SVIL: variants seen among roughly 807,000 people sequenced by gnomAD.
The protein encoded by SVIL is supervillin.
A neutral mutation model predicts 240.4 loss-of-function variants in SVIL; 101 were observed. The observed-to-expected ratio is 0.42, with a 90% CI of 0.36 to 0.50. The LOEUF is 0.50. Ranked by LOEUF, SVIL falls within the 20% of genes least tolerant of loss-of-function variation. The pLI, the probability that SVIL is intolerant of heterozygous loss-of-function variation, is 0.01. For synonymous variants in SVIL, 999 were observed against 1,100.0 expected, an observed-to-expected ratio of 0.91 and a Z score of 1.82; for missense variants, 2,512 against 2,818.7, an observed-to-expected ratio of 0.89 and a Z score of 2.46.
At chr10:29,720,506 G>C (rs1963907087) in intron 1 of SVIL, among the ~76,000 whole-genome samples, 1 of 152,076 alleles carries the variant, frequency 6.6e-6, no homozygotes, top group Non-Finnish European at 1.5e-5. Context: ...ATCACCAGAA[G>C]TCCTACATAA....
chr10:29,724,369 A>AC (rs1964163628), intron 1 of SVIL, among the ~76,000 whole-genome samples: 1 of 93,830 alleles, frequency 1.1e-5, no homozygotes, highest in African/African-American at 4.7e-5. Context: ...TGAGGATTTA[A>AC]AACACACACA....
At chr10:29,540,195 G>T (rs575219571) in intron 6 of SVIL, among the ~76,000 whole-genome samples, 1 of 152,078 alleles carries the variant, frequency 6.6e-6, no homozygotes, top group Non-Finnish European at 1.5e-5. Flanking sequence ...ATCAAGTAGG[G>T]CAAACCCCAA....
chr10:29,478,234 C>G (rs966065313), intron 29 of SVIL, among the ~76,000 whole-genome samples: 2 of 152,328 alleles, frequency 1.3e-5, no homozygotes, highest in South Asian at 2.1e-4. Flanking sequence ...TGCACAAAAG[C>G]AAAAGCGTAA....
intron 1 of SVIL, among the ~76,000 whole-genome samples, chr10:29,727,221 C>T (rs1424667375): frequency 1.3e-5 from 2 of 152,126 alleles, no homozygotes; most frequent in East Asian, 1.9e-4. Flanking sequence ...ATGGTTACAT[C>T]AAGATTCTAT....
At chr10:29,715,555 T>C (rs1167231249) in intron 1 of SVIL, among the ~76,000 whole-genome samples, 2 of 152,218 alleles carry the variant, frequency 1.3e-5, no homozygotes, top group Non-Finnish European at 2.9e-5. Context: ...ACCTATAAAC[T>C]CTGCCTTGGC....
At chr10:29,461,637 T>TA (rs1481214170) in intron 36 of SVIL, among the ~76,000 whole-genome samples, 1 of 152,146 alleles carries the variant, frequency 6.6e-6, no homozygotes, top group East Asian at 1.9e-4. Flanking sequence ...AGCTCATATA[T>TA]AAGAAATTCA....
At chr10:29,662,800 C>CAA (rs61514833) in intron 2 of SVIL, among the ~76,000 whole-genome samples, 1 of 152,020 alleles carries the variant, frequency 6.6e-6, no homozygotes, top group Non-Finnish European at 1.5e-5. Context: ...CACACACACA[C>CAA]GGAACACTTG....
rs144990955 is a variant in SVIL, at chr10:29,471,172, C to T, written c.5601G>A (p.Ser1867=). Residue 1867 remains serine (S), a synonymous_variant, in exon 31 of 38, where the codon TCG becomes TCA. Coordinates refer to ENST00000355867, the MANE Select transcript of SVIL (RefSeq NM_021738.3). ...TTTCTTCTTCCTCTTCCCGCCTCCC[C>T]GAGTGCACCACCATCCCCCCCTGGA... The part of the protein sequence containing the change: ...QCFQGGMVVH[S]GRREEEEENV... 5.1e-5 allele frequency: 83 copies of T among 1,613,808 alleles called. No individual in the cohort carries two copies. Among genetic ancestry groups the T allele is most frequent in the Middle Eastern group, 1.6e-4 (1 of 6,084 alleles).
At chr10:29,596,963 G>A (rs1956615434) in intron 1 of SVIL, among the ~76,000 whole-genome samples, 1 of 152,186 alleles carries the variant, frequency 6.6e-6, no homozygotes, top group South Asian at 2.1e-4. Flanking sequence ...GCTGCTACAG[G>A]TAGTTAGACA....
chr10:29,458,489 G>T lies in SVIL; in HGVS notation c.6503C>A (p.Pro2168Gln), dbSNP rs748703359. The change falls in exon 37 of 38, where the codon CCG becomes CAG. Residue 2168 changes from proline to glutamine, a missense_variant. Around this residue, in one of 3 missense-constraint regions of SVIL, gnomAD observed 797 missense variants for 925.3 expected, o/e 0.86. Transcript: ENST00000355867. ...AAGCTTCAGAGGATCGACCCCCTCC[G>T]GGAGTGGCCTGGCCAGGAGGTCGGC... ...PLADLLARPL[P>Q]EGVDPLKLEI... 7 of 1,587,936 alleles carry T rather than the reference G, an allele frequency of 4.4e-6. No individual in the cohort carries two copies.
intron 13 of SVIL, among the ~76,000 whole-genome samples, chr10:29,525,934 G>A (rs1277026350): frequency 1.3e-5 from 2 of 152,164 alleles, no homozygotes; most frequent in Non-Finnish European, 2.9e-5. Context: ...GGAGGGCAGG[G>A]AAACCCACTT....
Position 29,469,315 on chromosome 10 carries a change from C to T in SVIL, c.5843+961G>A, listed in dbSNP as rs539835815. On this transcript the variant is annotated intron_variant, in intron 32 of 37. Coordinates refer to ENST00000355867, the MANE Select transcript of SVIL (RefSeq NM_021738.3). ...CTCCCTGTAGAGAGGTCACCTGCCC[C>T]GTTCTCCTCTCTGCCCTCTCTGGGT... 9.8e-4 allele frequency among the ~76,000 whole-genome samples: 149 copies of T among 152,312 alleles called. 1 individual carries two copies. The highest frequency in any genetic ancestry group is 3.4e-3 in the African/African-American group (141 of 41,572).
rs1487191303 is a variant in SVIL at position 29,628,517 on chromosome 10, G to A, written c.-201+5903C>T. On this transcript the variant is annotated intron_variant, in intron 1 of 37. Transcript: ENST00000355867. ...TTTGCCAACTTTCCATGCTCAGAAC[G>A]TAATTGAAAGTCCAGAAAGAAACGA... is the stretch of plus-strand genomic sequence containing the variant. Among the ~76,000 whole-genome samples the A allele has an allele frequency of 4.6e-5, 7 of 152,162 alleles. No homozygotes were observed. In the South Asian group the frequency reaches 6.2e-4, roughly 13 times the overall value.
chr10:29,508,083 G>C, intron 17 of SVIL: 1 of 291,852 alleles, frequency 3.4e-6, no homozygotes, highest in Non-Finnish European at 6.8e-6. Context: ...GTTACAGAGA[G>C]AGGAACCATG....
intron 5 of SVIL, among the ~76,000 whole-genome samples, chr10:29,553,385 C>A (rs530329706): frequency 6.6e-6 from 1 of 152,194 alleles, no homozygotes; most frequent in African/African-American, 2.4e-5. Flanking sequence ...TCGAGACCAG[C>A]CTCGCCAACA....
intron 2 of SVIL, among the ~76,000 whole-genome samples, chr10:29,666,800 C>T (rs890364409): frequency 7.2e-5 from 11 of 152,248 alleles, no homozygotes; most frequent in African/African-American, 2.2e-4. Context: ...AGTCATATTC[C>T]GAGGTTTCTC....
chr10:29,626,107 A>G (rs370204388), intron 1 of SVIL, among the ~76,000 whole-genome samples: 53 of 152,306 alleles, frequency 3.5e-4, no homozygotes, highest in African/African-American at 1.3e-3. Flanking sequence ...AGTTCTGGAA[A>G]CCTAAGGTAT....
intron 1 of SVIL, among the ~76,000 whole-genome samples, chr10:29,699,800 C>G (rs1752581): frequency 0.5 from 75,831 of 152,168 alleles, 19,308 homozygotes; most frequent in East Asian, 0.77. Context: ...CCCAGGCCTC[C>G]GGGCACCTGA....
rs780697406 is a variant in SVIL, at chr10:29,550,921, G to T, written c.503C>A (p.Pro168His). The T allele has an allele frequency of 6.2e-7, 1 of 1,613,904 alleles. No individual in the cohort carries two copies. ...CCTGAGCCCCATCGTCTCGGTCCCG[G>T]GGTACAGAGAACTAGCATCTCTGCT... is the stretch of plus-strand genomic sequence containing the variant. The part of the protein sequence containing the change: ...ESSRDASSLY[P>H]GTETMGLRTC... The change falls in exon 6 of 38, where the codon CCC (proline) becomes CAC (histidine). Residue 168 changes from proline to histidine, a missense_variant. By Grantham distance (77) the Pro-to-His change is moderately conservative. Around this residue, in one of 3 missense-constraint regions of SVIL, gnomAD observed 1,443 missense variants for 1,486.6 expected, o/e 0.97. Transcript: ENST00000355867.
Sources: allele counts gnomAD v4.1 joint callset (sites outside exome capture counted in the v4.1 genomes callset), GRCh38; gene constraint gnomAD v4.1.1; regional missense constraint gnomAD v4.1.1; transcripts MANE v1.5; gene names NCBI Gene and HGNC (gene_info 2026-07-23, HGNC 2026-07-21).